DHRSX: variants seen among roughly 807,000 people sequenced by gnomAD.
DHRSX encodes the protein polyprenol dehydrogenase.
A neutral mutation model predicts 34.0 loss-of-function variants in DHRSX; 31 were observed. The observed-to-expected ratio is 0.91, with a 90% CI of 0.69 to 1.23. The LOEUF (loss-of-function observed/expected upper bound fraction) is 1.23. DHRSX is among the 50% of genes most tolerant of loss of function. The probability of loss-of-function intolerance (pLI) is 0.00; values close to 1 mark genes in which losing one functional copy is unlikely to be tolerated. For missense variants in DHRSX, 414 were observed against 428.1 expected (o/e 0.97, Z 0.29); for synonymous variants, 201 against 183.8 (o/e 1.09, Z -0.76).
In DHRSX at chrX:2,480,455, G is replaced by A. The variant is rs181700582; in HGVS notation, c.109+20362C>T. ...ACAATGCTATGGAAGGCTGAGGAAGGAGGATCACTGGAGGCCAAGAGTTTG... is the reference window on the plus strand; with the variant it reads ...ACAATGCTATGGAAGGCTGAGGAAGAAGGATCACTGGAGGCCAAGAGTTTG... On this transcript the variant is annotated intron_variant, in intron 1 of 6. Transcript: ENST00000334651. 2.0e-3 allele frequency among the ~76,000 whole-genome samples: 309 copies of A among 150,876 alleles called. 2 individuals are homozygous for A. Among genetic ancestry groups the A allele is most frequent in the African/African-American group, 6.2e-3 (257 of 41,170 alleles).
At chrX:2,245,982 A>AAC (rs2016272582) in intron 5 of DHRSX, among the ~76,000 whole-genome samples, 1 of 143,404 alleles carries the variant, frequency 7.0e-6, no homozygotes, top group Non-Finnish European at 1.5e-5. Flanking sequence ...AAAAAACAAA[A>AAC]AAACACACAA....
rs1001162594 is a variant in DHRSX, at chrX:2,335,150, A to G, written c.287-43547T>C. ...CAGTGAGCCGAGATCGTACCACTGC[A>G]CTCCAGCCTGGACAACAGAGTAGGA... On this transcript the variant is annotated intron_variant, in intron 3 of 6. Coordinates refer to ENST00000334651, the MANE Select transcript of DHRSX (RefSeq NM_145177.3). Among the ~76,000 whole-genome samples the G allele has an allele frequency of 3.4e-5, 5 of 149,104 alleles. No individual in the cohort carries two copies. In the South Asian group the frequency reaches 6.4e-4, roughly 19 times the overall value.
intron 3 of DHRSX, among the ~76,000 whole-genome samples, chrX:2,345,767 C>G (rs1305971190): frequency 6.6e-6 from 1 of 152,004 alleles, no homozygotes; most frequent in Non-Finnish European, 1.5e-5. Context: ...GAACAGAAGA[C>G]TAATGTTACC....
At chrX:2,298,934 G>A (rs897377099) in intron 3 of DHRSX, among the ~76,000 whole-genome samples, 6 of 144,132 alleles carry the variant, frequency 4.2e-5, no homozygotes, top group Admixed American at 3.7e-4. Flanking sequence ...GCGGTGAGCC[G>A]AGCTCGTGCC....
At chrX:2,245,754 G>A (rs887931561) in intron 5 of DHRSX, among the ~76,000 whole-genome samples, 173 of 139,820 alleles carry the variant, frequency 1.2e-3, no homozygotes, top group Non-Finnish European at 2.3e-3. Context: ...TCAGGAGTTT[G>A]AGACCAGGCT....
chrX:2,346,335 T>C (rs1281864899), intron 3 of DHRSX, among the ~76,000 whole-genome samples: 2 of 152,086 alleles, frequency 1.3e-5, no homozygotes, highest in Non-Finnish European at 2.9e-5. Context: ...CCATCCAGGA[T>C]TTAATACGTG....
intron 3 of DHRSX, among the ~76,000 whole-genome samples, chrX:2,405,587 C>A (rs1334733862): frequency 1.3e-5 from 2 of 152,092 alleles, no homozygotes; most frequent in Non-Finnish European, 2.9e-5. Flanking sequence ...GAATGGACCG[C>A]TTGAACCCAG....
At chrX:2,387,301 C>T (rs1019369830) in intron 3 of DHRSX, among the ~76,000 whole-genome samples, 43 of 152,092 alleles carry the variant, frequency 2.8e-4, no homozygotes, top group Non-Finnish European at 1.5e-4. Context: ...GGGTAAGGAA[C>T]GGACCCTGTA....
At chrX:2,409,314 G>A (rs2043597191) in intron 2 of DHRSX, among the ~76,000 whole-genome samples, 1 of 152,058 alleles carries the variant, frequency 6.6e-6, no homozygotes, top group Non-Finnish European at 1.5e-5. Flanking sequence ...TGGGGCACAT[G>A]TGCGGAATGT....
Position 2,271,029 on chromosome X carries a change from A to C in DHRSX, c.389-4082T>G, listed in dbSNP as rs1367909183. ...TAAGGGAATAAAAGCTGGCCACCTGAGCCAGCTTGTGTCCCCTTCCACGTT... is the reference window on the plus strand; with the variant it reads ...TAAGGGAATAAAAGCTGGCCACCTGCGCCAGCTTGTGTCCCCTTCCACGTT... On this transcript the variant is annotated intron_variant, in intron 4 of 6. Coordinates refer to ENST00000334651, the MANE Select transcript of DHRSX (RefSeq NM_145177.3). Among the ~76,000 whole-genome samples, 27 of 152,186 alleles carry C rather than the reference A, an allele frequency of 1.8e-4. 1 individual carries two copies. The highest frequency in any genetic ancestry group is 1.8e-3 in the Admixed American group (27 of 15,276).
intron 5 of DHRSX, among the ~76,000 whole-genome samples, chrX:2,265,139 C>T (rs1486686908): frequency 2.2e-5 from 3 of 139,214 alleles, no homozygotes; most frequent in African/African-American, 5.5e-5. Context: ...GCAGGGAGCA[C>T]TGTCCCCAGA....
intron 3 of DHRSX, among the ~76,000 whole-genome samples, chrX:2,313,695 C>T (rs2042191510): frequency 6.6e-6 from 1 of 152,110 alleles, no homozygotes; most frequent in South Asian, 2.1e-4. Flanking sequence ...TGAAAAGAGT[C>T]AAACTCTGTA....
intron 3 of DHRSX, among the ~76,000 whole-genome samples, chrX:2,294,776 GAGAGAGGAAAA>G (rs1217184893): frequency 6.7e-6 from 1 of 149,872 alleles, no homozygotes; most frequent in Non-Finnish European, 1.5e-5. Flanking sequence ...AAGAGAGAGA[GAGAGAGGAAAA>G]AGAGAGGGAG....
chrX:2,308,024 GT>G (rs1272135113), intron 3 of DHRSX, among the ~76,000 whole-genome samples: 1 of 152,004 alleles, frequency 6.6e-6, no homozygotes, highest in Non-Finnish European at 1.5e-5. Flanking sequence ...CTTGAGATAG[GT>G]TTTTTCATTC....
intron 3 of DHRSX, among the ~76,000 whole-genome samples, chrX:2,323,815 ATAGGTGG>A (rs1277693920): frequency 1.6e-4 from 24 of 150,892 alleles, no homozygotes; most frequent in Non-Finnish European, 2.7e-4. Context: ...ATTTTAGGTG[ATAGGTGG>A]TTACTAATTT....
chrX:2,301,797 C>A (rs1277463517), intron 3 of DHRSX, among the ~76,000 whole-genome samples: 5 of 152,096 alleles, frequency 3.3e-5, no homozygotes, highest in Non-Finnish European at 7.4e-5. Flanking sequence ...CGCCACCACG[C>A]CTGGCTAATT....
chrX:2,379,766 A>G (rs7474127), intron 3 of DHRSX, among the ~76,000 whole-genome samples: 45,487 of 151,622 alleles, frequency 0.3, 7,127 homozygotes, highest in Non-Finnish European at 0.36. Context: ...CGAAACAAAA[A>G]TGATGTCTGG....
chrX:2,338,314 C>G (rs528206792), intron 3 of DHRSX, among the ~76,000 whole-genome samples: 1 of 151,534 alleles, frequency 6.6e-6, no homozygotes, highest in Admixed American at 6.6e-5. Context: ...GCCTGTGCAA[C>G]AGAGCGAGAC....
chrX:2,336,967 G>T lies in DHRSX; in HGVS notation c.287-45364C>A, dbSNP rs1260500563. On this transcript the variant is annotated intron_variant, in intron 3 of 6. Transcript: ENST00000334651. ...CCTGCACCCATCAACCCGTCATCTA[G>T]GTTTTAAGCCCTGCTTGCATTAGAA... 2.0e-5 allele frequency among the ~76,000 whole-genome samples: 3 copies of T among 152,188 alleles called. No individual in the cohort carries two copies. The South Asian group carries it at 6.2e-4, about 32-fold the overall frequency.
Sources: allele counts gnomAD v4.1 joint callset (sites outside exome capture counted in the v4.1 genomes callset), GRCh38; gene constraint gnomAD v4.1.1; transcripts MANE v1.5; gene names NCBI Gene and HGNC (gene_info 2026-07-23, HGNC 2026-07-21).